Variants in GPC5 observed in about 807,000 individuals in gnomAD.
GPC5 encodes the protein glypican-5.
Under a neutral mutation model 53.9 loss-of-function variants are expected in GPC5, and 47 were observed. That is an observed-to-expected ratio of 0.87 (90% CI 0.69 to 1.11). The LOEUF is 1.11. Ranked by LOEUF, GPC5 falls within the 50% of genes most tolerant of loss-of-function variation. The pLI, the probability that GPC5 is intolerant of heterozygous loss-of-function variation, is 0.00. For missense variants in GPC5, 748 were observed against 713.1 expected, an observed-to-expected ratio of 1.05 and a Z score of -0.56; for synonymous variants, 286 against 263.3, an observed-to-expected ratio of 1.09 and a Z score of -0.84.
chr13:92,348,247 C>T (rs2043444397), intron 7 of GPC5, among the ~76,000 whole-genome samples: 1 of 151,344 alleles, frequency 6.6e-6, no homozygotes, highest in African/African-American at 2.4e-5. Context: ...TTAGGACACA[C>T]ACAGACTGAA....
intron 7 of GPC5, among the ~76,000 whole-genome samples, chr13:92,654,220 AG>A (rs34097313): frequency 1.3e-5 from 2 of 152,198 alleles, no homozygotes; most frequent in African/African-American, 2.4e-5. Context: ...GCCTCATTAT[AG>A]GGGAGAGTCA....
At chr13:92,311,720 C>A (rs1311841525) in intron 7 of GPC5, among the ~76,000 whole-genome samples, 1 of 152,132 alleles carries the variant, frequency 6.6e-6, no homozygotes, top group Non-Finnish European at 1.5e-5. Context: ...ATGGGAAAAA[C>A]CCACCCCTAT....
chr13:92,553,521 G>A (rs1882391731), intron 7 of GPC5, among the ~76,000 whole-genome samples: 1 of 151,856 alleles, frequency 6.6e-6, no homozygotes, highest in Non-Finnish European at 1.5e-5. Context: ...AAATTTATAT[G>A]GTAATGTCCC....
chr13:91,959,799 C>G (rs530173402), intron 6 of GPC5, among the ~76,000 whole-genome samples: 25 of 152,034 alleles, frequency 1.6e-4, no homozygotes, highest in African/African-American at 5.5e-4. Flanking sequence ...AAGGATGGTT[C>G]AACACTTGCA....
intron 5 of GPC5, among the ~76,000 whole-genome samples, chr13:91,777,198 C>T (rs1371453992): frequency 6.6e-6 from 1 of 152,204 alleles, no homozygotes; most frequent in African/African-American, 2.4e-5. Context: ...AAGAGGTATG[C>T]TCCCTGTTCT....
intron 7 of GPC5, among the ~76,000 whole-genome samples, chr13:92,534,278 T>A (rs1016932445): frequency 1.3e-5 from 2 of 152,098 alleles, no homozygotes; most frequent in African/African-American, 4.8e-5. Flanking sequence ...CAACTCTGTC[T>A]CCAATAAATA....
intron 7 of GPC5, among the ~76,000 whole-genome samples, chr13:92,764,211 C>T (rs1713900684): frequency 6.6e-6 from 1 of 152,206 alleles, no homozygotes. Flanking sequence ...AGCTCTGTGA[C>T]AAATTGACCT....
intron 7 of GPC5, among the ~76,000 whole-genome samples, chr13:92,268,393 A>T (rs2042817052): frequency 6.6e-6 from 1 of 151,848 alleles, no homozygotes; most frequent in South Asian, 2.1e-4. Context: ...ATAGGCACAG[A>T]TATATAACAA....
At chr13:92,059,231 C>T (rs1337361257) in intron 6 of GPC5, among the ~76,000 whole-genome samples, 2 of 151,994 alleles carry the variant, frequency 1.3e-5, no homozygotes, top group African/African-American at 2.4e-5. Flanking sequence ...CACAAATAGT[C>T]TCAACAATGC....
chr13:91,432,217 G>GTT (rs1208696163), intron 1 of GPC5, among the ~76,000 whole-genome samples: 2 of 143,400 alleles, frequency 1.4e-5, no homozygotes, highest in Admixed American at 1.4e-4. Context: ...GTGTGTGTGT[G>GTT]TGTGTGTGTG....
rs549906656 is a variant in GPC5, at chr13:92,204,541, A to G, written c.1561+59552A>G. Among the ~76,000 whole-genome samples, 24 of 152,306 alleles carry G rather than the reference A, an allele frequency of 1.6e-4. 1 individual carries two copies. The highest frequency in any genetic ancestry group is 6.8e-3 in the Middle Eastern group (2 of 294). ...TACAAAATTAAAGGGAAAAGTCCACACAACACTACCCTCTCTTTTGACACC... is the reference window on the plus strand; with the variant it reads ...TACAAAATTAAAGGGAAAAGTCCACGCAACACTACCCTCTCTTTTGACACC... On this transcript the variant is annotated intron_variant, in intron 7 of 7. Coordinates refer to ENST00000377067, the MANE Select transcript of GPC5 (RefSeq NM_004466.6).
chr13:92,382,244 A>C lies in GPC5; in HGVS notation c.1561+237255A>C, dbSNP rs2043754735. Among the ~76,000 whole-genome samples, 3 of 152,022 alleles carry C rather than the reference A, an allele frequency of 2.0e-5. No homozygotes were observed. In the South Asian group the frequency reaches 6.2e-4, roughly 32 times the overall value. ...AGAGTGGGAGGGTGGCGAGGGATAA[A>C]AGACTACAAATATGGTGCAGTGTAT... On this transcript the variant is annotated intron_variant, in intron 7 of 7. Transcript: ENST00000377067.
intron 7 of GPC5, among the ~76,000 whole-genome samples, chr13:92,530,356 C>T (rs1000360215): frequency 1.3e-5 from 2 of 152,276 alleles, no homozygotes; most frequent in Admixed American, 6.5e-5. Context: ...TTCAAGGACA[C>T]ATGTAGTGCC....
intron 7 of GPC5, among the ~76,000 whole-genome samples, chr13:92,308,214 A>T (rs566970099): frequency 6.6e-6 from 1 of 152,298 alleles, no homozygotes; most frequent in South Asian, 2.1e-4. Context: ...TTATCTGTAC[A>T]GTGAAAATAA....
At chr13:92,562,152 A>G (rs1487821337) in intron 7 of GPC5, among the ~76,000 whole-genome samples, 6 of 152,066 alleles carry the variant, frequency 3.9e-5, no homozygotes, top group African/African-American at 1.4e-4. Context: ...TAACACAGCA[A>G]TAGTTATCAA....
At chr13:91,511,008 C>CCTT (rs1885205818) in intron 2 of GPC5, among the ~76,000 whole-genome samples, 1 of 151,818 alleles carries the variant, frequency 6.6e-6, no homozygotes, top group African/African-American at 2.4e-5. Flanking sequence ...AAGGTTTTGC[C>CCTT]ACCCTGAAAT....
intron 6 of GPC5, among the ~76,000 whole-genome samples, chr13:91,940,542 C>T (rs2139044539): frequency 6.6e-6 from 1 of 152,034 alleles, no homozygotes; most frequent in African/African-American, 2.4e-5. Context: ...ATGATAGCTC[C>T]ATTTTTAGTT....
chr13:92,555,010 G>T (rs1231207809), intron 7 of GPC5, among the ~76,000 whole-genome samples: 3 of 149,912 alleles, frequency 2.0e-5, no homozygotes, highest in Non-Finnish European at 4.5e-5. Context: ...GGGAGTTACT[G>T]CTAACTGGTA....
rs7994801 is a variant in GPC5, at chr13:92,483,161, A to G, written c.1561+338172A>G. 3.3e-3 allele frequency among the ~76,000 whole-genome samples: 499 copies of G among 152,296 alleles called. 3 individuals are homozygous for G. The highest frequency in any genetic ancestry group is 0.012 in the African/African-American group (484 of 41,552). ...GCCTTGACATGTGGGGATTATTACA[A>G]TTCAAGGTGAAATTTGGGTGAGGAC... On this transcript the variant is annotated intron_variant, in intron 7 of 7. Transcript: ENST00000377067.
Sources: allele counts gnomAD v4.1 joint callset (sites outside exome capture counted in the v4.1 genomes callset), GRCh38; gene constraint gnomAD v4.1.1; transcripts MANE v1.5; gene names NCBI Gene and HGNC (gene_info 2026-07-23, HGNC 2026-07-21).